Variants in SYNE1 observed in about 807,000 individuals in gnomAD.
SYNE1 encodes nesprin-1.
A neutral mutation model predicts 1,111.0 loss-of-function variants in SYNE1; 616 were observed. That is an observed-to-expected ratio of 0.55 (90% CI 0.52 to 0.59). SYNE1 has a LOEUF of 0.59. SYNE1 is among the 20% of genes least tolerant of loss of function. The pLI, the probability that SYNE1 is intolerant of heterozygous loss-of-function variation, is 0.00. For synonymous variants in SYNE1, 3,855 were observed against 3,825.8 expected, an observed-to-expected ratio of 1.01 and a Z score of -0.28; for missense variants, 10,006 against 10,417.0, an observed-to-expected ratio of 0.96 and a Z score of 1.72.
chr6:152,253,127 A>G (rs1401481346), intron 104 of SYNE1, among the ~76,000 whole-genome samples: 2 of 152,204 alleles, frequency 1.3e-5, no homozygotes, highest in South Asian at 2.1e-4. Context: ...GGTACCATCA[A>G]CTGGCAAAGG....
chr6:152,427,807 T>C lies in SYNE1; in HGVS notation c.4986A>G (p.Lys1662=), dbSNP rs754071076. 1.9e-6 allele frequency: 3 copies of C among 1,614,110 alleles called. No homozygotes were observed. The East Asian group carries it at 6.7e-5, about 36-fold the overall frequency. The change falls in exon 38 of 146, where the codon AAA becomes AAG. Residue 1662 remains lysine (K), a synonymous_variant. Coordinates refer to ENST00000367255, the MANE Select transcript of SYNE1 (RefSeq NM_182961.4). ...ACCAGGTCAAAAAGGATGATAGTTCTTTCTCTAGCCTAAAGGAAGCAGAGA... is the reference window on the plus strand; with the variant it reads ...ACCAGGTCAAAAAGGATGATAGTTCCTTCTCTAGCCTAAAGGAAGCAGAGA... ...NLLAHWQRLE[K]ELSSFLTWLE... is the part of the protein sequence containing the mutation.
intron 2 of SYNE1, among the ~76,000 whole-genome samples, chr6:152,629,549 A>C (rs986228396): frequency 2.2e-4 from 3 of 13,342 alleles, no homozygotes; most frequent in Admixed American, 1.1e-3. Context: ...GGGGGAGGGG[A>C]GGAGGGGGTG....
intron 4 of SYNE1, among the ~76,000 whole-genome samples, chr6:152,532,295 C>T (rs1303565428): frequency 2.0e-5 from 3 of 152,118 alleles, no homozygotes; most frequent in Admixed American, 1.3e-4. Flanking sequence ...CACACCAGGA[C>T]CATCTAGGAC....
chr6:152,307,833 C>CTTGT (rs78506348), intron 91 of SYNE1, among the ~76,000 whole-genome samples: 39,950 of 151,506 alleles, frequency 0.26, 6,525 homozygotes, highest in East Asian at 0.58. Flanking sequence ...AATATTAAGT[C>CTTGT]TTGTTTGTTT....
chr6:152,180,694 GA>G (rs953695757), intron 128 of SYNE1, among the ~76,000 whole-genome samples: 4 of 151,854 alleles, frequency 2.6e-5, no homozygotes, highest in Non-Finnish European at 4.4e-5. Context: ...AAAAGGAATA[GA>G]AAGATGAAAG....
intron 62 of SYNE1, among the ~76,000 whole-genome samples, chr6:152,366,310 C>G (rs2097077666): frequency 6.6e-6 from 1 of 151,928 alleles, no homozygotes; most frequent in South Asian, 2.1e-4. Flanking sequence ...CCAGCCTGGG[C>G]AACAAGAGCA....
chr6:152,180,733 G>A (rs1399584145), intron 128 of SYNE1, among the ~76,000 whole-genome samples: 1 of 151,884 alleles, frequency 6.6e-6, no homozygotes, highest in Non-Finnish European at 1.5e-5. Flanking sequence ...GAAGGAAGAA[G>A]AAAAGGAAGA....
intron 130 of SYNE1, among the ~76,000 whole-genome samples, chr6:152,165,085 C>A (rs1289227042): frequency 6.7e-6 from 1 of 150,212 alleles, no homozygotes; most frequent in Non-Finnish European, 1.5e-5. Context: ...CCCTCCCCCA[C>A]CCCCACATTA....
At chr6:152,380,825 A>G (rs1242211519) in intron 56 of SYNE1, among the ~76,000 whole-genome samples, 181 bp downstream of exon 56, 2 of 152,218 alleles carry the variant, frequency 1.3e-5, no homozygotes, top group African/African-American at 4.8e-5. Context: ...TTATTTTTAC[A>G]AAAGTTTGAT....
chr6:152,469,330 T>C (rs903730566), intron 16 of SYNE1, among the ~76,000 whole-genome samples: 3 of 152,050 alleles, frequency 2.0e-5, no homozygotes, highest in South Asian at 2.1e-4. Context: ...TTATTATTAT[T>C]ATCATCATCA....
At chr6:152,242,215 T>A (rs1049704187) in intron 107 of SYNE1, 25 bp downstream of exon 107, 8 of 1,590,126 alleles carry the variant, frequency 5.0e-6, no homozygotes, top group Non-Finnish European at 6.9e-6. Flanking sequence ...ACATTTTCTC[T>A]CTATCACTCT....
chr6:152,530,749 G>A (rs2099194242), intron 4 of SYNE1, among the ~76,000 whole-genome samples: 1 of 151,214 alleles, frequency 6.6e-6, no homozygotes, highest in Non-Finnish European at 1.5e-5. Flanking sequence ...AGCCTCCCAA[G>A]TAGCTGGGAC....
chr6:152,128,948 G>A (rs989134111), intron 145 of SYNE1: 3 of 152,372 alleles, frequency 2.0e-5, no homozygotes, highest in South Asian at 2.1e-4. Context: ...GTTGGATGAC[G>A]TTTGCCATTC....
intron 93 of SYNE1, among the ~76,000 whole-genome samples, chr6:152,296,852 AGGCCTCTGTAGTCCCTCCT>A (rs550829604): frequency 5.6e-4 from 85 of 152,248 alleles, no homozygotes; most frequent in East Asian, 2.7e-3. Context: ...GGAGCTGTCC[AGGCCTCTGTAGTCCCTCCT>A]GGCCTCTGTA....
At chr6:152,513,492 C>A in intron 6 of SYNE1, among the ~76,000 whole-genome samples, 1 of 152,076 alleles carries the variant, frequency 6.6e-6, no homozygotes, top group East Asian at 1.9e-4. Flanking sequence ...CGCCACCACA[C>A]CCGGCTAATT....
intron 128 of SYNE1, 142 bp from the exon 129 acceptor site, chr6:152,180,436 T>C (rs2067672288): frequency 2.5e-6 from 2 of 810,332 alleles, no homozygotes; most frequent in African/African-American, 1.7e-5. Flanking sequence ...AGTCTAGGAT[T>C]TGCTATTATA....
chr6:152,213,529 T>A, intron 123 of SYNE1, 83 bp downstream of exon 123: 7 of 1,496,998 alleles, frequency 4.7e-6, no homozygotes, highest in Non-Finnish European at 6.5e-6. Flanking sequence ...GGCATGATTT[T>A]AATTCTCCCA....
At chr6:152,531,187 T>C (rs2099198835) in intron 4 of SYNE1, among the ~76,000 whole-genome samples, 2 of 152,128 alleles carry the variant, frequency 1.3e-5, no homozygotes, top group South Asian at 4.1e-4. Flanking sequence ...CGTGAAAAGA[T>C]GAAAGTTCTC....
At chr6:152,213,407 A>G (rs1234089195) in intron 123 of SYNE1, among the ~76,000 whole-genome samples, 8 of 152,228 alleles carry the variant, frequency 5.3e-5, no homozygotes, top group African/African-American at 1.9e-4. Context: ...ACACGTGCTT[A>G]TAAACAATCA....
Sources: allele counts gnomAD v4.1 joint callset (sites outside exome capture counted in the v4.1 genomes callset), GRCh38; gene constraint gnomAD v4.1.1; transcripts MANE v1.5; gene names NCBI Gene and HGNC (gene_info 2026-07-23, HGNC 2026-07-21).